NOS1AP: variants seen among roughly 807,000 people sequenced by gnomAD.
NOS1AP encodes the protein nitric oxide synthase 1 adaptor protein.
A neutral mutation model predicts 56.2 loss-of-function variants in NOS1AP; 21 were observed. That is an observed-to-expected ratio of 0.37 (90% CI 0.26 to 0.54). The LOEUF is 0.54. NOS1AP is among the 20% of genes least tolerant of loss of function. The pLI is 0.84. For missense variants in NOS1AP, 522 were observed against 657.8 expected, an observed-to-expected ratio of 0.79 and a Z score of 2.26; for synonymous variants, 270 against 274.6, an observed-to-expected ratio of 0.98 and a Z score of 0.17.
chr1:162,212,246 G>A lies in NOS1AP; in HGVS notation c.177+57770G>A, dbSNP rs1017994574. On this transcript the variant is annotated intron_variant, in intron 2 of 9. Coordinates refer to ENST00000361897, the MANE Select transcript of NOS1AP (RefSeq NM_014697.3). Reference sequence around the variant, plus strand: ...TTGTTTGACATATAGAGAACCAGGGGCTGCATGATCAGTGGTCTGAGCAGT... The same window carrying A: ...TTGTTTGACATATAGAGAACCAGGGACTGCATGATCAGTGGTCTGAGCAGT... Among the ~76,000 whole-genome samples the A allele has an allele frequency of 5.3e-5, 8 of 152,184 alleles. No individual in the cohort carries two copies. The East Asian group carries it at 1.5e-3, about 29-fold the overall frequency.
chr1:162,155,056 T>G (rs1007883412), intron 2 of NOS1AP, among the ~76,000 whole-genome samples: 1 of 151,834 alleles, frequency 6.6e-6, no homozygotes, highest in Non-Finnish European at 1.5e-5. Flanking sequence ...AGTATAGTGA[T>G]GAACTGTTGC....
chr1:162,078,634 T>G (rs1460181555), intron 1 of NOS1AP, among the ~76,000 whole-genome samples: 1 of 152,076 alleles, frequency 6.6e-6, no homozygotes, highest in Admixed American at 6.6e-5. Flanking sequence ...TCCCTTAAAC[T>G]TTTGCCCTAT....
chr1:162,105,325 C>A (rs1037626857), intron 1 of NOS1AP, among the ~76,000 whole-genome samples: 1 of 152,224 alleles, frequency 6.6e-6, no homozygotes, highest in Non-Finnish European at 1.5e-5. Context: ...GTTCTGCACA[C>A]ACCTGTAGGA....
At chr1:162,289,095 A>C (rs1308878289) in intron 3 of NOS1AP, among the ~76,000 whole-genome samples, 1 of 152,168 alleles carries the variant, frequency 6.6e-6, no homozygotes, top group African/African-American at 2.4e-5. Context: ...CATGTGTAAG[A>C]TTGCTTTCCT....
At position 162,233,276 on chromosome 1, in the gene NOS1AP, G is replaced by C. The variant is rs1653183484; in HGVS notation, c.178-54068G>C. ...CTCATGGCCAAAGCAAACAGAGCTTGCTAAGTAGCTCCTCCCCACCCCAAT... is the reference window on the plus strand; with the variant it reads ...CTCATGGCCAAAGCAAACAGAGCTTCCTAAGTAGCTCCTCCCCACCCCAAT... On this transcript the variant is annotated intron_variant, in intron 2 of 9. Coordinates refer to ENST00000361897, the MANE Select transcript of NOS1AP (RefSeq NM_014697.3). Among the ~76,000 whole-genome samples, 5 of 152,304 alleles carry C rather than the reference G, an allele frequency of 3.3e-5. No individual in the cohort carries two copies. The South Asian group carries it at 1.0e-3, about 32-fold the overall frequency.
chr1:162,327,639 T>C (rs955129632), intron 4 of NOS1AP, among the ~76,000 whole-genome samples: 3 of 152,170 alleles, frequency 2.0e-5, no homozygotes, highest in Non-Finnish European at 4.4e-5. Flanking sequence ...TTGCGCAAAT[T>C]AGCTTTGAGC....
intron 1 of NOS1AP, among the ~76,000 whole-genome samples, chr1:162,117,690 C>T (rs1188348497): frequency 6.6e-6 from 1 of 152,176 alleles, no homozygotes; most frequent in East Asian, 1.9e-4. Context: ...CTGAAAGCAC[C>T]TTGTCAGGCT....
chr1:162,331,181 G>A (rs181341218), intron 4 of NOS1AP, among the ~76,000 whole-genome samples: 1 of 152,188 alleles, frequency 6.6e-6, no homozygotes, highest in Admixed American at 6.5e-5. Flanking sequence ...AGAAGGATAG[G>A]GGACTGGAAA....
intron 2 of NOS1AP, among the ~76,000 whole-genome samples, chr1:162,158,204 G>A (rs1650050086): frequency 6.6e-6 from 1 of 152,078 alleles, no homozygotes; most frequent in South Asian, 2.1e-4. Context: ...CTCTGTTTCT[G>A]TGATTTTGAC....
chr1:162,077,891 C>T (rs903761879), intron 1 of NOS1AP, among the ~76,000 whole-genome samples: 9 of 152,194 alleles, frequency 5.9e-5, no homozygotes, highest in Non-Finnish European at 8.8e-5. Flanking sequence ...AGTCTTCATT[C>T]AGTCCCTGGC....
chr1:162,167,401 C>T (rs1650551038), intron 2 of NOS1AP, among the ~76,000 whole-genome samples: 1 of 152,240 alleles, frequency 6.6e-6, no homozygotes, highest in Admixed American at 6.5e-5. Flanking sequence ...TACTCAGCCT[C>T]TCTCCTCAGC....
chr1:162,154,367 A>G (rs1553190283), intron 1 of NOS1AP, 38 bp from the exon 2 acceptor site: 2 of 1,599,258 alleles, frequency 1.3e-6, no homozygotes, highest in Admixed American at 1.7e-5. Context: ...GACACTTGCT[A>G]CCCCTCCTCT....
At chr1:162,153,373 CTTG>C (rs1649800421) in intron 1 of NOS1AP, among the ~76,000 whole-genome samples, 2 of 152,194 alleles carry the variant, frequency 1.3e-5, no homozygotes, top group Non-Finnish European at 2.9e-5. Flanking sequence ...AAGTGGTCTC[CTTG>C]CCTCAGCCTC....
intron 4 of NOS1AP, among the ~76,000 whole-genome samples, chr1:162,326,711 G>A (rs993607181): frequency 6.6e-6 from 1 of 152,138 alleles, no homozygotes; most frequent in Admixed American, 6.5e-5. Flanking sequence ...CCCAAGAAGA[G>A]TCTGACCTGG....
At chr1:162,094,545 A>T (rs918235034) in intron 1 of NOS1AP, among the ~76,000 whole-genome samples, 1 of 152,192 alleles carries the variant, frequency 6.6e-6, no homozygotes, top group African/African-American at 2.4e-5. Flanking sequence ...TGGATGGTTT[A>T]ATAAACATCT....
chr1:162,131,556 C>T (rs1648746954), intron 1 of NOS1AP, among the ~76,000 whole-genome samples: 1 of 151,710 alleles, frequency 6.6e-6, no homozygotes, highest in African/African-American at 2.4e-5. Flanking sequence ...GAAAGAGGCT[C>T]TCATTTAGAT....
chr1:162,326,896 C>A (rs1656607450), intron 4 of NOS1AP, among the ~76,000 whole-genome samples: 1 of 152,192 alleles, frequency 6.6e-6, no homozygotes, highest in Non-Finnish European at 1.5e-5. Context: ...AGGATGAGAA[C>A]TTGAAGACAA....
intron 1 of NOS1AP, among the ~76,000 whole-genome samples, chr1:162,121,529 C>G (rs1648234320): frequency 6.6e-6 from 1 of 152,098 alleles, no homozygotes; most frequent in Admixed American, 6.6e-5. Context: ...ATCTCCATTT[C>G]CAGAGGAAGA....
At chr1:162,091,857 C>G (rs4657141) in intron 1 of NOS1AP, among the ~76,000 whole-genome samples, 94,525 of 151,914 alleles carry the variant, frequency 0.62, 29,777 homozygotes, top group Non-Finnish European at 0.67. Context: ...CTGTCAACCA[C>G]TACGTGGGCA....
Sources: gnomAD v4.1 joint callset for allele counts (sites outside exome capture counted in the v4.1 genomes callset) on GRCh38, gnomAD v4.1.1 for gene constraint, MANE v1.5 for transcripts, NCBI Gene and HGNC (gene_info 2026-07-23, HGNC 2026-07-21) for gene names.